SNX13: variants seen among roughly 807,000 people sequenced by gnomAD.
The protein encoded by SNX13 is sorting nexin 13, also known as sorting nexin-13.
In SNX13, 45 loss-of-function variants were observed where a neutral mutation model predicts 133.6. That is an observed-to-expected ratio of 0.34 (90% CI 0.27 to 0.43). The LOEUF (loss-of-function observed/expected upper bound fraction) is 0.43. Ranked by LOEUF, SNX13 falls within the 20% of genes least tolerant of loss-of-function variation. The pLI, the probability that SNX13 is intolerant of heterozygous loss-of-function variation, is 1.00. For synonymous variants in SNX13, 414 were observed against 373.9 expected, an observed-to-expected ratio of 1.11 and a Z score of -1.24; for missense variants, 1,032 against 1,145.1, an observed-to-expected ratio of 0.90 and a Z score of 1.43.
rs185810701 is a variant in SNX13, at chr7:17,852,356, G to C, written c.838-1392C>G. On this transcript the variant is annotated intron_variant, in intron 9 of 25. Transcript: ENST00000428135. ...CCACTGTACTCCAGGTTGGGCGCCA[G>C]AGTGAGATTCCGTCTCAAAAAGAAA... Among the ~76,000 whole-genome samples the C allele has an allele frequency of 2.3e-3, 344 of 152,188 alleles. 1 individual carries two copies. Among genetic ancestry groups the C allele is most frequent in the African/African-American group, 7.3e-3 (304 of 41,520 alleles).
chr7:17,861,731 C>CCCACCCA (rs1792729311), intron 9 of SNX13, among the ~76,000 whole-genome samples: 1 of 152,146 alleles, frequency 6.6e-6, no homozygotes. Flanking sequence ...ATGTGGGCAG[C>CCCACCCA]CCACCCAAAG....
chr7:17,853,839 G>C (rs1791540211), intron 9 of SNX13, among the ~76,000 whole-genome samples: 1 of 152,188 alleles, frequency 6.6e-6, no homozygotes, highest in South Asian at 2.1e-4. Flanking sequence ...CTACTTGGGA[G>C]GCTGAGGCAG....
chr7:17,831,853 T>C (rs1439571754), intron 15 of SNX13: 3 of 983,980 alleles, frequency 3.0e-6, no homozygotes, highest in Admixed American at 6.2e-5. Flanking sequence ...GAAGCATTAC[T>C]AGTTGAGAAA....
chr7:17,809,896 G>T (rs922885784), intron 20 of SNX13, among the ~76,000 whole-genome samples: 4 of 152,158 alleles, frequency 2.6e-5, no homozygotes, highest in Non-Finnish European at 5.9e-5. Flanking sequence ...AATAAAGGTA[G>T]AAATAAATAC....
At chr7:17,874,687 T>C (rs753920560) in intron 7 of SNX13, among the ~76,000 whole-genome samples, 19 of 152,208 alleles carry the variant, frequency 1.2e-4, no homozygotes, top group Non-Finnish European at 2.1e-4. Context: ...GCTGACACTT[T>C]CTGGGAATAT....
Position 17,940,459 on chromosome 7 carries a change from T to A in SNX13, c.-164A>T. The A allele has an allele frequency of 1.3e-6, 1 of 786,130 alleles. No individual in the cohort carries two copies. The highest frequency in any genetic ancestry group is 2.2e-6 in the Non-Finnish European group (1 of 460,786). The allele number at this position is 786,130 out of a possible 1,614,324, so 48.7% of individuals were successfully genotyped here. On this transcript the variant is annotated 5_prime_UTR_variant, in exon 1 of 26. Transcript: ENST00000428135. ...CTTCGCTGGCCTCCCCTCGGCCCGG[T>A]CGCTCGCGACGGACGCGCCGCCATC...
intron 15 of SNX13, 136 bp from the exon 16 acceptor site, chr7:17,830,183 AAT>A: frequency 8.6e-7 from 1 of 1,156,532 alleles, no homozygotes; most frequent in Non-Finnish European, 1.1e-6. Flanking sequence ...AAAAAAAAAA[AAT>A]TGTGGATACT....
intron 20 of SNX13, among the ~76,000 whole-genome samples, chr7:17,814,484 G>T (rs1217487154): frequency 6.6e-6 from 1 of 151,832 alleles, no homozygotes; most frequent in African/African-American, 2.4e-5. Flanking sequence ...AACATATCCT[G>T]CTTAATATTT....
chr7:17,848,208 A>C (rs901004086), intron 11 of SNX13, among the ~76,000 whole-genome samples: 1 of 152,092 alleles, frequency 6.6e-6, no homozygotes, highest in Non-Finnish European at 1.5e-5. Flanking sequence ...CTTCGGAAAG[A>C]ATCCAAATGG....
intron 8 of SNX13, 88 bp from the exon 9 acceptor site, chr7:17,868,578 T>G: frequency 9.9e-7 from 1 of 1,008,246 alleles, no homozygotes; most frequent in Non-Finnish European, 1.5e-6. Context: ...ATGCTGTTAC[T>G]TAAGAAAAGT....
At chr7:17,923,702 G>C (rs1027364039) in intron 1 of SNX13, among the ~76,000 whole-genome samples, 3 of 152,106 alleles carry the variant, frequency 2.0e-5, no homozygotes, top group South Asian at 2.1e-4. Flanking sequence ...ACAAATACTA[G>C]TTTCTACTTT....
chr7:17,882,537 T>G (rs930106352), intron 5 of SNX13: 1 of 152,340 alleles, frequency 6.6e-6, no homozygotes, highest in African/African-American at 2.4e-5. Context: ...TATCCTACTA[T>G]AAGACCCCTA....
At position 17,891,427 on chromosome 7, in the gene SNX13, A is replaced by G. The variant is rs1019557079; in HGVS notation, c.318+119T>C. On this transcript the variant is annotated intron_variant, in intron 4 of 25. Coordinates refer to ENST00000428135, the MANE Select transcript of SNX13 (RefSeq NM_015132.5). ...GCATCTTCAAGTATAAAATTCAAGG[A>G]TAACATTAAGAAATTCCAGGATATT... is the stretch of plus-strand genomic sequence containing the variant. 1.5e-5 allele frequency: 9 copies of G among 605,776 alleles called. No homozygotes were observed. In the African/African-American group the frequency reaches 1.5e-4, roughly 10 times the overall value. The allele number at this position is 605,776 out of a possible 1,614,324, so 37.5% of individuals were successfully genotyped here. A position where few individuals can be genotyped will look rare whatever the true frequency, so the allele number is the denominator to read the frequency against.
intron 22 of SNX13, among the ~76,000 whole-genome samples, chr7:17,800,763 G>C (rs1784524256): frequency 6.6e-6 from 1 of 151,416 alleles, no homozygotes. Context: ...AAAAGGTCTT[G>C]ACAGACGCAT....
intron 1 of SNX13, among the ~76,000 whole-genome samples, chr7:17,914,995 C>T (rs940470314): frequency 6.6e-6 from 1 of 152,126 alleles, no homozygotes; most frequent in Non-Finnish European, 1.5e-5. Flanking sequence ...TGTAATGACA[C>T]CCATAGGCTC....
intron 1 of SNX13, 114 bp downstream of exon 1, chr7:17,940,170 G>A (rs3800963): frequency 0.4 from 567,117 of 1,414,286 alleles, 120,396 homozygotes; most frequent in Admixed American, 0.5. Context: ...CTCGGGCCCT[G>A]GAGCCCACGG....
intron 13 of SNX13, among the ~76,000 whole-genome samples, 184 bp downstream of exon 13, chr7:17,839,623 A>C (rs1472036311): frequency 6.6e-6 from 1 of 152,006 alleles, no homozygotes; most frequent in Non-Finnish European, 1.5e-5. Context: ...GACTGTGGCC[A>C]TGATAATTTG....
At chr7:17,825,880 G>A in intron 17 of SNX13, 142 bp downstream of exon 17, 1 of 541,378 alleles carries the variant, frequency 1.8e-6, no homozygotes, top group South Asian at 3.4e-5. Flanking sequence ...AGAATTTAAT[G>A]AAGGACATGC....
At chr7:17,846,497 A>C (rs190651288) in intron 11 of SNX13, among the ~76,000 whole-genome samples, 2 of 152,314 alleles carry the variant, frequency 1.3e-5, no homozygotes, top group East Asian at 3.9e-4. Context: ...TGATGTTTCC[A>C]TGAATTATTT....
Sources: gnomAD v4.1 joint callset for allele counts (sites outside exome capture counted in the v4.1 genomes callset) on GRCh38, gnomAD v4.1.1 for gene constraint, MANE v1.5 for transcripts, NCBI Gene and HGNC (gene_info 2026-07-23, HGNC 2026-07-21) for gene names.